Variants in SETBP1 observed in about 807,000 individuals in gnomAD.
The protein encoded by SETBP1 is SET binding protein 1.
In SETBP1, 9 loss-of-function variants were observed where a neutral mutation model predicts 101.0. The observed-to-expected ratio is 0.09, with a 90% CI of 0.05 to 0.16. The LOEUF is 0.16. Among genes scored for constraint, SETBP1 ranks in the 10% least tolerant of loss-of-function variants. The pLI is 1.00. For missense variants in SETBP1, 1,858 were observed against 2,033.8 expected (o/e 0.91, Z 1.66); for synonymous variants, 818 against 788.5 (o/e 1.04, Z -0.63).
intron 4 of SETBP1, among the ~76,000 whole-genome samples, chr18:44,971,190 A>G (rs2071848945): frequency 1.3e-5 from 2 of 152,114 alleles, no homozygotes; most frequent in South Asian, 4.1e-4. Flanking sequence ...CCATGTCCCT[A>G]CAAAGGACAC....
chr18:44,876,960 A>G (rs1418615694), intron 3 of SETBP1: 5 of 1,267,730 alleles, frequency 3.9e-6, no homozygotes, highest in South Asian at 3.0e-5. Context: ...GAGATAATGC[A>G]TTAGGCGGCC....
At chr18:44,910,687 A>G (rs1039138329) in intron 3 of SETBP1, among the ~76,000 whole-genome samples, 5 of 152,142 alleles carry the variant, frequency 3.3e-5, no homozygotes, top group Admixed American at 2.0e-4. Context: ...CTGTCATACT[A>G]AAAACCTAGA....
Position 44,929,877 on chromosome 18 carries a change from G to T in SETBP1, c.541-20004G>T, listed in dbSNP as rs187100207. ...TTCTAGATATACAATCATGTCATCT[G>T]CAAACAGGGACAATTTGACTTTCTC... On this transcript the variant is annotated intron_variant, in intron 3 of 5. Coordinates refer to ENST00000649279, the MANE Select transcript of SETBP1 (RefSeq NM_015559.3). Among the ~76,000 whole-genome samples the T allele has an allele frequency of 2.9e-4, 44 of 152,300 alleles. No individual in the cohort carries two copies. In the East Asian group the frequency reaches 7.5e-3, roughly 26 times the overall value.
At chr18:44,874,589 G>A (rs1327945623) in intron 3 of SETBP1, among the ~76,000 whole-genome samples, 2 of 152,212 alleles carry the variant, frequency 1.3e-5, no homozygotes, top group Non-Finnish European at 2.9e-5. Flanking sequence ...TAGTGGACCA[G>A]CAGCTTCTCA....
chr18:45,048,354 A>G (rs2073653173), intron 5 of SETBP1, among the ~76,000 whole-genome samples: 1 of 152,214 alleles, frequency 6.6e-6, no homozygotes, highest in South Asian at 2.1e-4. Flanking sequence ...AAAACTTAAC[A>G]TGTAAGTATT....
At chr18:44,748,649 C>CT (rs772342328) in intron 2 of SETBP1, among the ~76,000 whole-genome samples, 46 of 151,886 alleles carry the variant, frequency 3.0e-4, no homozygotes, top group Non-Finnish European at 6.3e-4. Flanking sequence ...CATGTGCGTG[C>CT]TTGTGCATGC....
intron 3 of SETBP1, among the ~76,000 whole-genome samples, chr18:44,915,268 G>A (rs898780967): frequency 2.0e-5 from 3 of 152,146 alleles, no homozygotes; most frequent in Non-Finnish European, 2.9e-5. Context: ...TGTCATTAAG[G>A]ACTGATCCTC....
chr18:44,850,887 C>T (rs572211799), intron 2 of SETBP1, among the ~76,000 whole-genome samples: 4 of 152,300 alleles, frequency 2.6e-5, no homozygotes, highest in African/African-American at 9.6e-5. Flanking sequence ...TTGGTAGACA[C>T]CTGTCTATTC....
chr18:44,870,109 A>C (rs553030768), intron 3 of SETBP1: 5 of 152,422 alleles, frequency 3.3e-5, no homozygotes, highest in African/African-American at 1.2e-4. Flanking sequence ...AAGGTCTCAC[A>C]GTGCTGTACC....
intron 2 of SETBP1, among the ~76,000 whole-genome samples, chr18:44,851,053 A>G (rs542014336): frequency 7.9e-5 from 12 of 152,298 alleles, no homozygotes; most frequent in East Asian, 5.8e-4. Context: ...GAAGTGCACT[A>G]TGTAACAGCT....
intron 2 of SETBP1, among the ~76,000 whole-genome samples, chr18:44,726,229 T>C (rs1302132406): frequency 1.3e-5 from 2 of 152,228 alleles, no homozygotes; most frequent in African/African-American, 4.8e-5. Flanking sequence ...TTTCAAGCCT[T>C]CTTGATTTTC....
intron 2 of SETBP1, among the ~76,000 whole-genome samples, chr18:44,804,257 G>T (rs1370766219): frequency 1.3e-5 from 2 of 152,120 alleles, no homozygotes; most frequent in African/African-American, 2.4e-5. Flanking sequence ...TTCCATTCAG[G>T]TTATGAGGAT....
chr18:44,923,673 T>C (rs1293640478), intron 3 of SETBP1, among the ~76,000 whole-genome samples: 1 of 152,252 alleles, frequency 6.6e-6, no homozygotes, highest in Non-Finnish European at 1.5e-5. Context: ...GCTTCAGCAT[T>C]GAACATTAAA....
chr18:44,692,231 G>C (rs1033352415), intron 1 of SETBP1, among the ~76,000 whole-genome samples: 5 of 152,138 alleles, frequency 3.3e-5, no homozygotes, highest in African/African-American at 1.2e-4. Flanking sequence ...AAAAAAGTTT[G>C]CACACTTACT....
chr18:44,751,042 T>A (rs1392619475), intron 2 of SETBP1, among the ~76,000 whole-genome samples: 1 of 152,054 alleles, frequency 6.6e-6, no homozygotes, highest in African/African-American at 2.4e-5. Context: ...AGCCTGGTAT[T>A]TGGGGGTCAT....
chr18:44,896,674 G>A (rs953919544), intron 3 of SETBP1, among the ~76,000 whole-genome samples: 4 of 152,066 alleles, frequency 2.6e-5, no homozygotes, highest in African/African-American at 9.7e-5. Flanking sequence ...ATTTTTAGTA[G>A]AGATGGGGTT....
chr18:44,812,124 C>T (rs913702977), intron 2 of SETBP1, among the ~76,000 whole-genome samples: 1 of 152,082 alleles, frequency 6.6e-6, no homozygotes, highest in African/African-American at 2.4e-5. Flanking sequence ...AGGAGACTCT[C>T]ATGAGGAGAG....
chr18:44,813,549 G>A (rs1424908544), intron 2 of SETBP1, among the ~76,000 whole-genome samples: 2 of 152,162 alleles, frequency 1.3e-5, no homozygotes, highest in Non-Finnish European at 2.9e-5. Context: ...GGACCTCAGA[G>A]TTGCCATCTG....
In SETBP1 at chr18:44,951,911, C is replaced by T. The variant is rs763175959; in HGVS notation, c.2571C>T (p.Ser857=). ...SLKEITLSPV[S]ESHSEETIPS... is the part of the protein sequence containing the mutation. ...AGGAAATCACGCTGTCCCCTGTGAGCGAGTCCCACAGTGAGGAGACGATCC... is the reference window on the plus strand; with the variant it reads ...AGGAAATCACGCTGTCCCCTGTGAGTGAGTCCCACAGTGAGGAGACGATCC... Residue 857 remains serine, a synonymous_variant, in exon 4 of 6, where the codon AGC becomes AGT. Transcript: ENST00000649279. The surrounding 1 kb of genome is among the most constrained non-coding windows in gnomAD (Gnocchi z 7.8). 81 of 1,613,798 alleles carry T rather than the reference C, an allele frequency of 5.0e-5. No homozygotes were observed. In the Admixed American group the frequency reaches 1.1e-3, roughly 21 times the overall value.
Sources: allele counts gnomAD v4.1 joint callset (sites outside exome capture counted in the v4.1 genomes callset), GRCh38; gene constraint gnomAD v4.1.1; non-coding constraint Gnocchi (gnomAD v3.1); transcripts MANE v1.5; gene names NCBI Gene and HGNC (gene_info 2026-07-23, HGNC 2026-07-21).